The following JADE1 variants were observed in gnomAD, a reference collection of about 807,000 sequenced individuals.
The protein encoded by JADE1 is protein Jade-1.
Under a neutral mutation model 81.8 loss-of-function variants are expected in JADE1, and 14 were observed. That is an observed-to-expected ratio of 0.17 (90% confidence interval 0.11 to 0.27). JADE1 has a LOEUF of 0.27. Ranked by LOEUF, JADE1 falls within the 10% of genes least tolerant of loss-of-function variation. The pLI, the probability that JADE1 is intolerant of heterozygous loss-of-function variation, is 1.00. For missense variants in JADE1, 690 were observed against 1,047.9 expected, an observed-to-expected ratio of 0.66 and a Z score of 4.71; for synonymous variants, 353 against 391.9, an observed-to-expected ratio of 0.90 and a Z score of 1.17.
At chr4:128,844,064 TG>T (rs1729669143) in intron 3 of JADE1, among the ~76,000 whole-genome samples, 1 of 152,232 alleles carries the variant, frequency 6.6e-6, no homozygotes, top group Non-Finnish European at 1.5e-5. Flanking sequence ...GAACCTTTAG[TG>T]CTCTCTTCCT....
Position 128,834,530 on chromosome 4 carries a change from C to CTTT in JADE1, c.52+2739_52+2741dup, listed in dbSNP as rs202245727. Among the ~76,000 whole-genome samples, 813 of 99,150 alleles carry CTTT rather than the reference C, an allele frequency of 8.2e-3. 16 individuals carry two copies. The highest frequency in any genetic ancestry group is 0.026 in the African/African-American group (732 of 28,036). The allele number at this position is 99,150 out of a possible 152,430, so 65.0% of individuals were successfully genotyped here. ...AAAAGCCCTAGAAGACCAAATATTT[C>CTTT]TTTTTTTTTTTTTTTTTTTTTGAGA... is the stretch of plus-strand genomic sequence containing the variant. On this transcript the variant is annotated intron_variant, in intron 2 of 10. Coordinates refer to ENST00000226319, the MANE Select transcript of JADE1 (RefSeq NM_199320.4).
intron 5 of JADE1, among the ~76,000 whole-genome samples, chr4:128,851,077 C>G (rs983958880): frequency 2.0e-5 from 3 of 152,194 alleles, no homozygotes; most frequent in Non-Finnish European, 4.4e-5. Flanking sequence ...ATTATTGGCA[C>G]CTGCCACCAT....
At chr4:128,832,682 A>G (rs1728654003) in intron 2 of JADE1, among the ~76,000 whole-genome samples, 1 of 152,258 alleles carries the variant, frequency 6.6e-6, no homozygotes, top group African/African-American at 2.4e-5. Flanking sequence ...ATACAGATAC[A>G]GATTCAGAGG....
chr4:128,830,241 G>A (rs1369689151), intron 1 of JADE1, among the ~76,000 whole-genome samples: 1 of 149,814 alleles, frequency 6.7e-6, no homozygotes, highest in African/African-American at 2.5e-5. Context: ...GTGTGTATGT[G>A]TGTGTGTGTA....
intron 1 of JADE1, among the ~76,000 whole-genome samples, chr4:128,825,826 C>T (rs1728012740): frequency 6.6e-6 from 1 of 152,192 alleles, no homozygotes; most frequent in African/African-American, 2.4e-5. Context: ...TGCATATAAT[C>T]TAAATAGGGG....
At chr4:128,847,649 G>C (rs993821785) in intron 4 of JADE1, among the ~76,000 whole-genome samples, 1 of 152,238 alleles carries the variant, frequency 6.6e-6, no homozygotes, top group East Asian at 1.9e-4. Flanking sequence ...TTCACTTTCA[G>C]TGGGGAGCCA....
chr4:128,841,494 CTT>C (rs1023862642), intron 2 of JADE1, among the ~76,000 whole-genome samples: 3 of 152,128 alleles, frequency 2.0e-5, no homozygotes, highest in Non-Finnish European at 2.9e-5. Context: ...TAGGACAACT[CTT>C]AGATTTCTGA....
chr4:128,846,091 T>C lies in JADE1; in HGVS notation c.139-284T>C, dbSNP rs774028209. On this transcript the variant is annotated intron_variant, in intron 3 of 10. Transcript: ENST00000226319. This position sits in a 1 kb window ranked among gnomAD's most constrained non-coding sequence, Gnocchi z 4.0. ...CCCTTTTGGTGAACTGAGAGACATT[T>C]TTCAGAGGCGGACAACAAGATTTTT... Among the ~76,000 whole-genome samples, 7 of 152,146 alleles carry C rather than the reference T, an allele frequency of 4.6e-5. No homozygotes were observed. The highest frequency in any genetic ancestry group is 1.0e-4 in the Non-Finnish European group (7 of 68,028).
At chr4:128,831,647 C>G in intron 1 of JADE1, 86 bp from the exon 2 acceptor site, 1 of 1,132,234 alleles carries the variant, frequency 8.8e-7, no homozygotes, top group Non-Finnish European at 1.3e-6. Flanking sequence ...CTTTTGTTTG[C>G]TGTAAATCCT....
At chr4:128,859,460 T>C (rs903263533) in intron 8 of JADE1, among the ~76,000 whole-genome samples, 3 of 151,992 alleles carry the variant, frequency 2.0e-5, no homozygotes, top group African/African-American at 7.3e-5. Flanking sequence ...CGTGAGTGCG[T>C]GAGTATGCAC....
chr4:128,812,759 C>G (rs538580666), intron 1 of JADE1, among the ~76,000 whole-genome samples: 46 of 152,388 alleles, frequency 3.0e-4, no homozygotes, highest in African/African-American at 1.1e-3. Flanking sequence ...AGCTTGCCTT[C>G]TAGTAACGAG....
chr4:128,819,354 T>C (rs1317938127), intron 1 of JADE1, among the ~76,000 whole-genome samples: 1 of 152,178 alleles, frequency 6.6e-6, no homozygotes, highest in Non-Finnish European at 1.5e-5. Flanking sequence ...AGCAACCTTC[T>C]GGTCTCAGGC....
At chr4:128,869,096 G>A (rs183092112) in intron 10 of JADE1, among the ~76,000 whole-genome samples, 1 of 151,992 alleles carries the variant, frequency 6.6e-6, no homozygotes, top group Non-Finnish European at 1.5e-5. Flanking sequence ...TCGGTCATCT[G>A]AAGAAATAAA....
At chr4:128,858,866 C>T (rs927638291) in intron 8 of JADE1, among the ~76,000 whole-genome samples, 1 of 152,098 alleles carries the variant, frequency 6.6e-6, no homozygotes, top group African/African-American at 2.4e-5. Context: ...CCTCGGCCTC[C>T]CAAAATGCTG....
At chr4:128,836,730 C>G (rs1729011973) in intron 2 of JADE1, among the ~76,000 whole-genome samples, 3 of 144,488 alleles carry the variant, frequency 2.1e-5, no homozygotes, top group South Asian at 4.5e-4. Flanking sequence ...TAGCTCTGAT[C>G]AGCACTGTTT....
rs780875459 is a variant in JADE1, at chr4:128,843,001, G to A, written c.101G>A (p.Ser34Asn). ...SQNSRSQHRR[S>N]SCSRHEDRKP... ...AATTCCCGATCCCAGCATAGGAGAA[G>A]CTCCTGCTCCAGACATGAAGATCGA... is the stretch of plus-strand genomic sequence containing the variant. Residue 34 changes from serine (S) to asparagine (N), a missense_variant, in exon 3 of 11, where the codon AGC becomes AAC. Ser to Asn is a conservative substitution (Grantham distance 46). Coordinates refer to ENST00000226319, the MANE Select transcript of JADE1 (RefSeq NM_199320.4). 1 of 1,614,074 alleles carries A rather than the reference G, an allele frequency of 6.2e-7. No individual in the cohort carries two copies. Among genetic ancestry groups the A allele is most frequent in the South Asian group, 1.1e-5 (1 of 91,084 alleles).
chr4:128,827,996 C>T (rs1728219049), intron 1 of JADE1: 2 of 449,428 alleles, frequency 4.5e-6, no homozygotes, highest in South Asian at 1.9e-4. Context: ...TTACCAGCCT[C>T]CTCTGACTCT....
In JADE1 at chr4:128,846,291, G is replaced by C; in HGVS notation, c.139-84G>C. On this transcript the variant is annotated intron_variant, in intron 3 of 10. Transcript: ENST00000226319. The surrounding 1 kb of genome is among the most constrained non-coding windows in gnomAD (Gnocchi z 4.0). Reference sequence around the variant, plus strand: ...GATACAGTGACCTTGTTACATGGCAGCTCCATGGTTACATTGCAGCTGCCA... The same window carrying C: ...GATACAGTGACCTTGTTACATGGCACCTCCATGGTTACATTGCAGCTGCCA... 7.4e-7 allele frequency: 1 copy of C among 1,345,992 alleles called. No individual in the cohort carries two copies. Among genetic ancestry groups the C allele is most frequent in the Non-Finnish European group, 1.0e-6 (1 of 953,738 alleles). The allele number at this position is 1,345,992 out of a possible 1,614,324, so 83.4% of individuals were successfully genotyped here.
chr4:128,865,113 C>T (rs1343313108), intron 9 of JADE1: 1 of 152,234 alleles, frequency 6.6e-6, no homozygotes, highest in Non-Finnish European at 1.5e-5. Flanking sequence ...GTCCTGTAGT[C>T]ACTCAGTGGA....
Sources: gnomAD v4.1 joint callset for allele counts (sites outside exome capture counted in the v4.1 genomes callset) on GRCh38, gnomAD v4.1.1 for gene constraint, Gnocchi (gnomAD v3.1) non-coding constraint, MANE v1.5 for transcripts, NCBI Gene and HGNC (gene_info 2026-07-23, HGNC 2026-07-21) for gene names.